Variants in ZNF704 observed in about 807,000 individuals in gnomAD.
ZNF704 encodes zinc finger protein 704.
A neutral mutation model predicts 44.7 loss-of-function variants in ZNF704; 10 were observed. That is an observed-to-expected ratio of 0.22 (90% CI 0.14 to 0.38). The LOEUF (loss-of-function observed/expected upper bound fraction) is 0.38. ZNF704 is among the 10% of genes least tolerant of loss of function. The pLI, the probability that ZNF704 is intolerant of heterozygous loss-of-function variation, is 1.00. For missense variants in ZNF704, 390 were observed against 545.5 expected (o/e 0.71, Z 2.84); for synonymous variants, 211 against 207.6 (o/e 1.02, Z -0.14).
rs1817606780 is a variant in ZNF704, at chr8:80,632,726, G to C, written c.*8640C>G. ...CCATCTCTGCCTCCTTTCAAAATCT[G>C]TGGTTACCTGCTTTCGGAACCATAG... On this transcript the variant is annotated 3_prime_UTR_variant, in exon 9 of 9. Transcript: ENST00000327835. The C allele has an allele frequency of 6.6e-6, 1 of 152,164 alleles. No homozygotes were observed. The highest frequency in any genetic ancestry group is 1.5e-5 in the Non-Finnish European group (1 of 68,036). The allele number at this position is 152,164 out of a possible 1,614,324, so 9.4% of individuals were successfully genotyped here.
chr8:80,739,494 G>C (rs1806720425), intron 2 of ZNF704, among the ~76,000 whole-genome samples: 1 of 152,140 alleles, frequency 6.6e-6, no homozygotes, highest in Admixed American at 6.5e-5. Flanking sequence ...AACTCAGGGA[G>C]GCTTGGCAAA....
intron 2 of ZNF704, among the ~76,000 whole-genome samples, chr8:80,718,731 T>C (rs548870451): frequency 7.7e-4 from 117 of 152,290 alleles, no homozygotes; most frequent in Middle Eastern, 3.4e-3. Flanking sequence ...AATTAATAAA[T>C]AAGTACGTAA....
intron 2 of ZNF704, among the ~76,000 whole-genome samples, chr8:80,805,278 A>AACATGGAGAACAAACTGGAGCAAG (rs1807971434): frequency 6.6e-6 from 1 of 152,110 alleles, no homozygotes; most frequent in Non-Finnish European, 1.5e-5. Flanking sequence ...AGCTCTGGGG[A>AACATGGAGAACAAACTGGAGCAAG]ACATGGAGAA....
intron 1 of ZNF704, among the ~76,000 whole-genome samples, chr8:80,861,074 A>C (rs1809053460): frequency 6.6e-6 from 1 of 152,240 alleles, no homozygotes; most frequent in Non-Finnish European, 1.5e-5. Context: ...CCAATGTCAA[A>C]GTAGCCACAA....
intron 2 of ZNF704, among the ~76,000 whole-genome samples, chr8:80,767,392 C>T (rs1230187372): frequency 2.0e-5 from 3 of 151,344 alleles, no homozygotes; most frequent in Non-Finnish European, 4.4e-5. Flanking sequence ...ACTCCATGTT[C>T]CCTCCTCTAC....
At chr8:80,668,819 T>C (rs551261287) in intron 5 of ZNF704, among the ~76,000 whole-genome samples, 8 of 152,292 alleles carry the variant, frequency 5.3e-5, no homozygotes, top group African/African-American at 1.9e-4. Flanking sequence ...CCTACAGCCA[T>C]GTAATTGAGT....
intron 1 of ZNF704, among the ~76,000 whole-genome samples, chr8:80,855,311 T>C (rs977188517): frequency 5.4e-5 from 8 of 149,260 alleles, no homozygotes; most frequent in African/African-American, 1.7e-4. Context: ...ATCAATTTCT[T>C]TTCATTTAGA....
chr8:80,818,891 T>G (rs958796992), intron 2 of ZNF704, among the ~76,000 whole-genome samples: 4 of 152,166 alleles, frequency 2.6e-5, no homozygotes, highest in Non-Finnish European at 5.9e-5. Context: ...CAGTGGGAAG[T>G]CCGACATTTA....
intron 4 of ZNF704, among the ~76,000 whole-genome samples, chr8:80,684,413 T>G (rs1337533379): frequency 6.6e-6 from 1 of 152,218 alleles, no homozygotes; most frequent in African/African-American, 2.4e-5. Flanking sequence ...CTCATTAAAT[T>G]GATTCACAAC....
intron 1 of ZNF704, among the ~76,000 whole-genome samples, chr8:80,852,011 G>T (rs1808873380): frequency 6.6e-6 from 1 of 152,134 alleles, no homozygotes; most frequent in African/African-American, 2.4e-5. Context: ...CCATACAAAG[G>T]GTGGAACGAA....
intron 2 of ZNF704, among the ~76,000 whole-genome samples, chr8:80,766,196 C>T (rs1216673826): frequency 6.6e-6 from 1 of 151,994 alleles, no homozygotes; most frequent in East Asian, 1.9e-4. Context: ...GGGTAGGCAC[C>T]TCATCCAAAC....
At chr8:80,645,159 T>C in intron 7 of ZNF704, 3 of 1,601,536 alleles carry the variant, frequency 1.9e-6, no homozygotes, top group Admixed American at 3.4e-5. Flanking sequence ...ATAGTAAATT[T>C]GTTTGTGCGA....
chr8:80,691,491 C>G (rs1031608127), intron 3 of ZNF704, among the ~76,000 whole-genome samples: 1 of 152,208 alleles, frequency 6.6e-6, no homozygotes, highest in Non-Finnish European at 1.5e-5. Flanking sequence ...ACCACACTCT[C>G]CTGGTCTTCC....
chr8:80,824,916 T>C (rs975509879), intron 1 of ZNF704, among the ~76,000 whole-genome samples: 1 of 152,104 alleles, frequency 6.6e-6, no homozygotes, highest in Non-Finnish European at 1.5e-5. Flanking sequence ...AAAGAGCTCC[T>C]GAAGGAAGCA....
At position 80,720,382 on chromosome 8, in the gene ZNF704, CATA is replaced by C. The variant is rs1251789451; in HGVS notation, c.222-27278_222-27276del. 4.6e-5 allele frequency among the ~76,000 whole-genome samples: 7 copies of C among 152,208 alleles called. No homozygotes were observed. In the South Asian group the frequency reaches 1.0e-3, roughly 23 times the overall value. On this transcript the variant is annotated intron_variant, in intron 2 of 8. Transcript: ENST00000327835. ...TAAGAGGATTTCTGAACTTTCTTCT[CATA>C]ATGTTTATATATAGGCAATGCTAAA... is the stretch of plus-strand genomic sequence containing the variant.
At chr8:80,864,826 A>C (rs895162201) in intron 1 of ZNF704, among the ~76,000 whole-genome samples, 2 of 152,202 alleles carry the variant, frequency 1.3e-5, no homozygotes, top group Non-Finnish European at 2.9e-5. Context: ...TTTCCATAGC[A>C]GCTTTAAGAA....
rs149755365 is a variant in ZNF704 at position 80,706,833 on chromosome 8, A to G, written c.222-13726T>C. 4.9e-3 allele frequency among the ~76,000 whole-genome samples: 753 copies of G among 152,354 alleles called. 5 individuals carry two copies. The highest frequency in any genetic ancestry group is 0.014 in the Middle Eastern group (4 of 294). ...TGGGACCTGCCTGCAGATTTCAGCC[A>G]CTTCTGGATACACCTGGGACAGGGC... is the stretch of plus-strand genomic sequence containing the variant. On this transcript the variant is annotated intron_variant, in intron 2 of 8. Coordinates refer to ENST00000327835, the MANE Select transcript of ZNF704 (RefSeq NM_001033723.3).
intron 3 of ZNF704, among the ~76,000 whole-genome samples, chr8:80,689,311 G>C (rs538652639): frequency 2.6e-5 from 4 of 152,288 alleles, no homozygotes; most frequent in Non-Finnish European, 2.9e-5. Flanking sequence ...AGTTAAGTTA[G>C]AGGAGTGAAG....
At chr8:80,733,321 TCTC>T (rs1806613857) in intron 2 of ZNF704, among the ~76,000 whole-genome samples, 1 of 152,328 alleles carries the variant, frequency 6.6e-6, no homozygotes, top group African/African-American at 2.4e-5. Flanking sequence ...CACTGCCTTA[TCTC>T]CTCATGATCC....
Sources: gnomAD v4.1 joint callset for allele counts (sites outside exome capture counted in the v4.1 genomes callset) on GRCh38, gnomAD v4.1.1 for gene constraint, MANE v1.5 for transcripts, NCBI Gene and HGNC (gene_info 2026-07-23, HGNC 2026-07-21) for gene names.